POU6F2: variants seen among roughly 807,000 people sequenced by gnomAD.
The protein encoded by POU6F2 is POU domain, class 6, transcription factor 2.
A neutral mutation model predicts 71.3 loss-of-function variants in POU6F2; 31 were observed. The observed-to-expected ratio is 0.43, with a 90% CI of 0.33 to 0.59. POU6F2 has a LOEUF of 0.59. Ranked by LOEUF, POU6F2 falls within the 20% of genes least tolerant of loss-of-function variation. The pLI is 0.04. For synonymous variants in POU6F2, 347 were observed against 355.7 expected (o/e 0.98, Z 0.27); for missense variants, 783 against 856.8 (o/e 0.91, Z 1.07).
chr7:39,272,105 GAAAACTT>G (rs1784350095), intron 4 of POU6F2, among the ~76,000 whole-genome samples: 1 of 152,156 alleles, frequency 6.6e-6, no homozygotes, highest in Admixed American at 6.5e-5. Context: ...TTGCTACAGA[GAAAACTT>G]AAGAAGGAAG....
intron 6 of POU6F2, among the ~76,000 whole-genome samples, chr7:39,429,518 C>T (rs1216764217): frequency 6.6e-6 from 1 of 152,182 alleles, no homozygotes; most frequent in Admixed American, 6.5e-5. Flanking sequence ...GTTTACCCCT[C>T]CCCTGCCCCA....
intron 5 of POU6F2, 98 bp from the exon 6 acceptor site, chr7:39,406,502 A>G (rs1451967252): frequency 8.6e-5 from 123 of 1,432,108 alleles, no homozygotes; most frequent in Non-Finnish European, 1.1e-4. Flanking sequence ...GCATGAGCGA[A>G]TTGAGGCGAG....
chr7:39,347,881 C>A (rs1786060970), intron 5 of POU6F2, among the ~76,000 whole-genome samples: 1 of 143,406 alleles, frequency 7.0e-6, no homozygotes, highest in African/African-American at 2.5e-5. Context: ...ATCCACCTGC[C>A]TCAGCCTTCC....
At chr7:39,146,594 G>A (rs73124456) in intron 2 of POU6F2, among the ~76,000 whole-genome samples, 10,711 of 152,250 alleles carry the variant, frequency 0.07, 478 homozygotes, top group East Asian at 0.22. Context: ...GAGAAAAGCA[G>A]GAAAGTGCTT....
intron 5 of POU6F2, among the ~76,000 whole-genome samples, chr7:39,391,104 TAAA>T (rs1787067584): frequency 6.6e-6 from 1 of 152,220 alleles, no homozygotes; most frequent in South Asian, 2.1e-4. Flanking sequence ...ACATTATTCT[TAAA>T]ACATTATGAA....
chr7:39,041,399 A>C (rs1459520848), intron 1 of POU6F2, among the ~76,000 whole-genome samples: 1 of 151,990 alleles, frequency 6.6e-6, no homozygotes, highest in Non-Finnish European at 1.5e-5. Flanking sequence ...GTAAATTTAA[A>C]GTTTGACTAC....
rs115870117 is a variant in POU6F2, at chr7:38,997,756, A to G, written c.105+19698A>G. On this transcript the variant is annotated intron_variant, in intron 1 of 9. Coordinates refer to ENST00000518318, the MANE Select transcript of POU6F2 (RefSeq NM_001370959.1). ...AGCCCTCCAGATACAACAAGGTCCC[A>G]GCTGTTATGGACTGATGGCACGTAT... Among the ~76,000 whole-genome samples the G allele has an allele frequency of 6.3e-3, 959 of 152,346 alleles. 11 individuals carry two copies. Among genetic ancestry groups the G allele is most frequent in the African/African-American group, 0.022 (922 of 41,574 alleles).
chr7:39,123,051 C>G (rs964363458), intron 2 of POU6F2, among the ~76,000 whole-genome samples: 1 of 152,172 alleles, frequency 6.6e-6, no homozygotes, highest in Non-Finnish European at 1.5e-5. Flanking sequence ...AGTTATTTAA[C>G]TTCTCTGAGC....
intron 2 of POU6F2, among the ~76,000 whole-genome samples, chr7:39,134,609 C>A (rs1792353474): frequency 6.6e-6 from 1 of 152,178 alleles, no homozygotes; most frequent in Non-Finnish European, 1.5e-5. Flanking sequence ...AGCTCAAAGT[C>A]CAAATTCTTT....
At chr7:39,200,376 A>G (rs7787466) in intron 2 of POU6F2, among the ~76,000 whole-genome samples, 56,681 of 152,090 alleles carry the variant, frequency 0.37, 10,889 homozygotes, top group South Asian at 0.49. Context: ...GCCTGGGTGA[A>G]AACCACTTCT....
intron 4 of POU6F2, among the ~76,000 whole-genome samples, chr7:39,211,444 T>C (rs908915450): frequency 3.9e-5 from 6 of 152,236 alleles, no homozygotes; most frequent in Non-Finnish European, 7.3e-5. Context: ...TTCTCTTACA[T>C]AGTGGAAGCC....
intron 5 of POU6F2, among the ~76,000 whole-genome samples, chr7:39,354,300 G>C (rs530958857): frequency 2.6e-5 from 4 of 152,222 alleles, no homozygotes; most frequent in South Asian, 2.1e-4. Flanking sequence ...TTAGTTTTAC[G>C]TGTGGTGACC....
At chr7:39,333,081 G>A (rs932581467) in intron 4 of POU6F2, among the ~76,000 whole-genome samples, 10 of 152,174 alleles carry the variant, frequency 6.6e-5, no homozygotes, top group African/African-American at 1.9e-4. Flanking sequence ...GAACTCATGG[G>A]GGACTTGCCA....
chr7:39,202,319 T>C (rs911823348), intron 2 of POU6F2, among the ~76,000 whole-genome samples: 11 of 152,214 alleles, frequency 7.2e-5, no homozygotes, highest in African/African-American at 2.7e-4. Context: ...TGGCATGGTA[T>C]AGAAATTTTT....
intron 1 of POU6F2, among the ~76,000 whole-genome samples, chr7:38,984,591 A>G (rs1371956942): frequency 3.3e-5 from 5 of 152,192 alleles, no homozygotes; most frequent in African/African-American, 1.2e-4. Flanking sequence ...AACTAGAATT[A>G]AAAAACAAAG....
At chr7:39,006,967 G>A (rs1789092650) in intron 1 of POU6F2, 2 of 1,220,236 alleles carry the variant, frequency 1.6e-6, no homozygotes, top group Non-Finnish European at 2.4e-6. Context: ...TAATTGTCAT[G>A]TTTCCTTGAG....
intron 2 of POU6F2, among the ~76,000 whole-genome samples, chr7:39,156,044 A>G (rs914033965): frequency 6.6e-6 from 1 of 152,168 alleles, no homozygotes; most frequent in Non-Finnish European, 1.5e-5. Flanking sequence ...TTTCCAAAAA[A>G]TACATATTAA....
intron 5 of POU6F2, among the ~76,000 whole-genome samples, chr7:39,347,840 C>T (rs1786060152): frequency 7.0e-6 from 1 of 142,468 alleles, no homozygotes; most frequent in African/African-American, 2.5e-5. Flanking sequence ...CCATGTTGCC[C>T]AGGCTGGTCT....
At chr7:39,088,887 T>G (rs1791308860) in intron 2 of POU6F2, among the ~76,000 whole-genome samples, 2 of 152,178 alleles carry the variant, frequency 1.3e-5, no homozygotes, top group African/African-American at 4.8e-5. Flanking sequence ...AGCCCAAAAC[T>G]GCAGGAGAAG....
Sources: allele counts gnomAD v4.1 joint callset (sites outside exome capture counted in the v4.1 genomes callset), GRCh38; gene constraint gnomAD v4.1.1; transcripts MANE v1.5; gene names NCBI Gene and HGNC (gene_info 2026-07-23, HGNC 2026-07-21).